The following MYT1L variants were observed in gnomAD, a reference collection of about 807,000 sequenced individuals.
MYT1L encodes the protein myelin transcription factor 1 like, also known as myelin transcription factor 1-like protein.
In MYT1L, 12 loss-of-function variants were observed where a neutral mutation model predicts 126.7. That is an observed-to-expected ratio of 0.09 (90% CI 0.06 to 0.15). The LOEUF (loss-of-function observed/expected upper bound fraction) is 0.15, where lower values mean the gene tolerates loss of function less well. Among genes scored for constraint, MYT1L ranks in the 10% least tolerant of loss-of-function variants. The probability of loss-of-function intolerance (pLI) is 1.00; values close to 1 mark genes in which losing one functional copy is unlikely to be tolerated. For synonymous variants in MYT1L, 541 were observed against 604.2 expected, an observed-to-expected ratio of 0.90 and a Z score of 1.53; for missense variants, 979 against 1,585.2, an observed-to-expected ratio of 0.62 and a Z score of 6.49.
At chr2:1,826,662 C>T (rs140621351) in intron 21 of MYT1L, among the ~76,000 whole-genome samples, 51 of 152,250 alleles carry the variant, frequency 3.3e-4, no homozygotes, top group Admixed American at 1.1e-3. Flanking sequence ...GACGCAGCAC[C>T]GGGTACCGGG....
chr2:1,881,073 A>T (rs1409034354), intron 18 of MYT1L, among the ~76,000 whole-genome samples: 1 of 152,228 alleles, frequency 6.6e-6, no homozygotes, highest in Admixed American at 6.5e-5. Flanking sequence ...AGTTAAAAGA[A>T]GTCAGATTCA....
intron 2 of MYT1L, among the ~76,000 whole-genome samples, chr2:2,213,273 C>T (rs143363750): frequency 6.6e-6 from 1 of 152,210 alleles, no homozygotes; most frequent in African/African-American, 2.4e-5. Context: ...AATGTGTTGC[C>T]AGGAGGGGAA....
intron 18 of MYT1L, among the ~76,000 whole-genome samples, chr2:1,860,845 C>T (rs1326752714): frequency 6.6e-6 from 1 of 152,022 alleles, no homozygotes; most frequent in African/African-American, 2.4e-5. Flanking sequence ...GGGCTGGGAG[C>T]GGTTCTTTGC....
intron 4 of MYT1L, among the ~76,000 whole-genome samples, chr2:2,014,713 C>G (rs2064194686): frequency 6.6e-6 from 1 of 152,224 alleles, no homozygotes; most frequent in South Asian, 2.1e-4. Flanking sequence ...TGTATTTAGG[C>G]CAAGAATGGC....
intron 2 of MYT1L, among the ~76,000 whole-genome samples, chr2:2,200,435 G>A (rs1045624566): frequency 1.3e-5 from 2 of 151,842 alleles, no homozygotes; most frequent in South Asian, 2.1e-4. Context: ...TGTGGCTTCC[G>A]ACCCCTTCCA....
At position 1,889,394 on chromosome 2, in the gene MYT1L, G is replaced by C. The variant is rs1192789048; in HGVS notation, c.2367C>G (p.Ile789Met). 6.2e-7 allele frequency: 1 copy of C among 1,613,858 alleles called. No individual in the cohort carries two copies. The highest frequency in any genetic ancestry group is 2.2e-5 in the East Asian group (1 of 44,888). ...GGGACATGGGCTCCAGAGGGGTCAG[G>C]ATGGGGCAGCAGCTGTCCCGCGGCC... ...KQRPRDSCCPILTPLEPMSPQ... is the reference protein window; with the variant it reads ...KQRPRDSCCPMLTPLEPMSPQ... Residue 789 changes from isoleucine to methionine, a missense_variant, in exon 16 of 25, where the codon ATC becomes ATG. Transcript: ENST00000647738. The surrounding 1 kb of genome is among the most constrained non-coding windows in gnomAD (Gnocchi z 4.1).
chr2:1,908,483 C>A (rs539696452), intron 13 of MYT1L, among the ~76,000 whole-genome samples: 46 of 152,196 alleles, frequency 3.0e-4, no homozygotes, highest in African/African-American at 1.0e-3. Context: ...AGTGCAGTCA[C>A]CTGGTGACTC....
intron 3 of MYT1L, among the ~76,000 whole-genome samples, chr2:2,165,345 CA>C (rs1346908963): frequency 6.6e-6 from 1 of 152,032 alleles, no homozygotes; most frequent in African/African-American, 2.4e-5. Context: ...CATACACACA[CA>C]CACACACGTG....
intron 2 of MYT1L, among the ~76,000 whole-genome samples, chr2:2,186,197 C>T (rs2092163857): frequency 9.0e-6 from 1 of 110,760 alleles, no homozygotes; most frequent in Non-Finnish European, 1.8e-5. Context: ...CGCAGCCAGG[C>T]CTTCCGGGCC....
intron 18 of MYT1L, among the ~76,000 whole-genome samples, chr2:1,866,334 C>T (rs1184409211): frequency 6.6e-6 from 1 of 152,100 alleles, no homozygotes; most frequent in Non-Finnish European, 1.5e-5. Context: ...GCCTGCTGCC[C>T]ACAGCTTCCA....
rs150870769 is a variant in MYT1L at position 2,041,688 on chromosome 2, C to A, written c.-158+12290G>T. On this transcript the variant is annotated intron_variant, in intron 4 of 24. Coordinates refer to ENST00000647738, the MANE Select transcript of MYT1L (RefSeq NM_001303052.2). ...CTGCTTGCTCACCGGAGGCAAATTTCTCTGGTTTCATTATGGATTTTCCGG... is the reference window on the plus strand; with the variant it reads ...CTGCTTGCTCACCGGAGGCAAATTTATCTGGTTTCATTATGGATTTTCCGG... 1.5e-3 allele frequency among the ~76,000 whole-genome samples: 233 copies of A among 152,226 alleles called. 1 individual carries two copies. The highest frequency in any genetic ancestry group is 5.2e-3 in the African/African-American group (217 of 41,542).
At chr2:2,253,628 A>G (rs116809566) in intron 2 of MYT1L, among the ~76,000 whole-genome samples, 1 of 152,170 alleles carries the variant, frequency 6.6e-6, no homozygotes, top group African/African-American at 2.4e-5. Flanking sequence ...GAGGAGAAAA[A>G]ACTCCCAGTT....
chr2:1,896,673 G>C (rs936510016), intron 14 of MYT1L, among the ~76,000 whole-genome samples: 3 of 152,136 alleles, frequency 2.0e-5, no homozygotes, highest in African/African-American at 7.2e-5. Context: ...GGGAACAATC[G>C]ACACTGTGGA....
chr2:1,893,199 T>C (rs990977047), intron 14 of MYT1L, among the ~76,000 whole-genome samples: 2 of 152,220 alleles, frequency 1.3e-5, no homozygotes, highest in African/African-American at 4.8e-5. Context: ...AAATCTCCTT[T>C]AGTACATGAC....
intron 21 of MYT1L, among the ~76,000 whole-genome samples, chr2:1,838,214 A>T (rs1572714844): frequency 6.6e-6 from 1 of 152,032 alleles, no homozygotes. Flanking sequence ...GTGCCCGGCC[A>T]ATTTTTCTCT....
intron 4 of MYT1L, among the ~76,000 whole-genome samples, chr2:2,026,859 C>A (rs563098262): frequency 1.3e-5 from 2 of 152,144 alleles, no homozygotes; most frequent in Non-Finnish European, 2.9e-5. Flanking sequence ...AGAAAACCTG[C>A]CCCTCTCCTC....
intron 20 of MYT1L, among the ~76,000 whole-genome samples, chr2:1,840,501 T>A: frequency 6.6e-6 from 1 of 152,134 alleles, no homozygotes; most frequent in Non-Finnish European, 1.5e-5. Context: ...AGGCTTGTTT[T>A]TGGGGATTTG....
intron 8 of MYT1L, among the ~76,000 whole-genome samples, chr2:1,946,990 C>T (rs1220917929): frequency 2.0e-5 from 3 of 152,168 alleles, no homozygotes; most frequent in African/African-American, 4.8e-5. Flanking sequence ...CTTGGTGTCG[C>T]GGGTCATAAT....
intron 23 of MYT1L, among the ~76,000 whole-genome samples, chr2:1,800,613 C>T (rs2034661498): frequency 6.6e-6 from 1 of 152,152 alleles, no homozygotes; most frequent in African/African-American, 2.4e-5. Context: ...TGGGTAGAAA[C>T]CACCTGTTGA....
Sources: gnomAD v4.1 joint callset for allele counts (sites outside exome capture counted in the v4.1 genomes callset) on GRCh38, gnomAD v4.1.1 for gene constraint, Gnocchi (gnomAD v3.1) non-coding constraint, MANE v1.5 for transcripts, NCBI Gene and HGNC (gene_info 2026-07-23, HGNC 2026-07-21) for gene names.